The following C12orf42 variants were observed in gnomAD, a reference collection of about 807,000 sequenced individuals.
C12orf42 encodes the protein uncharacterized protein C12orf42.
A neutral mutation model predicts 21.6 loss-of-function variants in C12orf42; 25 were observed. The ratio of observed to expected loss-of-function variants is 1.16; its 90% CI spans 0.84 to 1.62. C12orf42 has a LOEUF of 1.62. Ranked by LOEUF, C12orf42 falls within the 40% of genes most tolerant of loss-of-function variation. C12orf42 has a pLI of 0.00. For missense variants in C12orf42, 483 were observed against 459.3 expected (o/e 1.05, Z -0.47); for synonymous variants, 174 against 175.0 (o/e 0.99, Z 0.05).
intron 4 of C12orf42, among the ~76,000 whole-genome samples, chr12:103,325,117 A>G (rs996674287): frequency 6.6e-6 from 1 of 152,220 alleles, no homozygotes; most frequent in African/African-American, 2.4e-5. Context: ...AAGTAGAGAG[A>G]GAAGACAAAT....
At chr12:103,347,663 G>A (rs1440227166) in intron 4 of C12orf42, among the ~76,000 whole-genome samples, 1 of 152,052 alleles carries the variant, frequency 6.6e-6, no homozygotes, top group Non-Finnish European at 1.5e-5. Flanking sequence ...ATCTAAGCCT[G>A]AGAAATACAC....
intron 2 of C12orf42, among the ~76,000 whole-genome samples, chr12:103,414,259 G>A (rs530068711): frequency 7.6e-4 from 115 of 152,128 alleles, no homozygotes; most frequent in African/African-American, 2.7e-3. Context: ...CTTTTCATAT[G>A]TTTGTTGGCC....
the C12orf42 span, among the ~76,000 whole-genome samples, chr12:103,134,619 G>A: frequency 2.6e-5 from 4 of 151,988 alleles, no homozygotes; most frequent in Non-Finnish European, 5.9e-5. Context: ...AGACATATGA[G>A]ACACCATAAA....
At chr12:103,267,798 A>G (rs2035244962), downstream of C12orf42, 1 of 152,116 alleles carries the variant, frequency 6.6e-6, no homozygotes. Context: ...ATCTAACAGG[A>G]AGAGAGGAAG....
At chr12:103,474,536 C>A (rs1398301117) in intron 2 of C12orf42, among the ~76,000 whole-genome samples, 1 of 151,906 alleles carries the variant, frequency 6.6e-6, no homozygotes, top group Non-Finnish European at 1.5e-5. Context: ...ATGTGGAACA[C>A]TTTGGAGTCT....
chr12:103,555,112 C>T, the C12orf42 span, among the ~76,000 whole-genome samples: 6,385 of 152,228 alleles, frequency 0.042, 212 homozygotes, highest in East Asian at 0.12. Flanking sequence ...TGTTAAAGCA[C>T]GGGTTCCTGG....
chr12:103,062,654 G>A, the C12orf42 span, among the ~76,000 whole-genome samples: 1 of 152,058 alleles, frequency 6.6e-6, no homozygotes, highest in Non-Finnish European at 1.5e-5. Context: ...TTGTTCATTT[G>A]CTGCTTTTAA....
At chr12:103,311,850 A>T (rs1370305478) in intron 4 of C12orf42, among the ~76,000 whole-genome samples, 1 of 152,186 alleles carries the variant, frequency 6.6e-6, no homozygotes, top group Non-Finnish European at 1.5e-5. Flanking sequence ...GTTCACGGTA[A>T]ATCCTTCAGT....
the C12orf42 span, among the ~76,000 whole-genome samples, chr12:103,552,287 T>C: frequency 6.6e-6 from 1 of 152,206 alleles, no homozygotes; most frequent in African/African-American, 2.4e-5. Context: ...CTCACTTTGA[T>C]ATAAGTGGCT....
chr12:103,414,497 T>C (rs2049132194), intron 2 of C12orf42, among the ~76,000 whole-genome samples: 1 of 152,202 alleles, frequency 6.6e-6, no homozygotes, highest in Admixed American at 6.5e-5. Context: ...TGGCCATGTT[T>C]ATTATATTGA....
the C12orf42 span, among the ~76,000 whole-genome samples, chr12:103,118,527 G>T: frequency 6.6e-6 from 1 of 152,000 alleles, no homozygotes; most frequent in Non-Finnish European, 1.5e-5. Context: ...GGCTGGGCGC[G>T]GTGGCTCATG....
intron 3 of C12orf42, among the ~76,000 whole-genome samples, chr12:103,379,522 T>A (rs1412541052): frequency 1.3e-5 from 2 of 152,328 alleles, no homozygotes; most frequent in Non-Finnish European, 2.9e-5. Context: ...GATAGATATA[T>A]TACTAGACCT....
the C12orf42 span, among the ~76,000 whole-genome samples, chr12:103,191,317 G>C: frequency 6.6e-6 from 1 of 151,928 alleles, no homozygotes; most frequent in Non-Finnish European, 1.5e-5. Flanking sequence ...AGCTTGTGAA[G>C]GTATAAATCT....
chr12:103,180,804 T>G, the C12orf42 span, among the ~76,000 whole-genome samples: 14,942 of 150,918 alleles, frequency 0.099, 859 homozygotes, highest in East Asian at 0.19. Context: ...AATTTTGTAT[T>G]TTTAGTAGAG....
chr12:103,484,866 T>TTG (rs1954719914), intron 1 of C12orf42, among the ~76,000 whole-genome samples: 1 of 136,734 alleles, frequency 7.3e-6, no homozygotes, highest in South Asian at 2.5e-4. Context: ...GGTTTCAGTT[T>TTG]TTTTTTTTTT....
At chr12:103,247,320 G>C (rs2034057266) in intron 10 of C12orf42, among the ~76,000 whole-genome samples, 1 of 149,780 alleles carries the variant, frequency 6.7e-6, no homozygotes, top group Admixed American at 6.7e-5. Flanking sequence ...GAAAAAAATA[G>C]AGCCAGAACA....
chr12:103,094,115 T>A, the C12orf42 span, among the ~76,000 whole-genome samples: 1 of 152,198 alleles, frequency 6.6e-6, no homozygotes. Flanking sequence ...AATGACTTTG[T>A]TTCTACTTTC....
the C12orf42 span, among the ~76,000 whole-genome samples, chr12:103,543,447 A>G: frequency 5.7e-4 from 87 of 152,176 alleles, 2 homozygotes; most frequent in South Asian, 0.018. Context: ...CCATCTCTAC[A>G]AAATTTTTTA....
chr12:103,150,808 GTTC>G, the C12orf42 span, among the ~76,000 whole-genome samples: 2 of 152,184 alleles, frequency 1.3e-5, no homozygotes, highest in African/African-American at 4.8e-5. Flanking sequence ...CTATATCTGA[GTTC>G]TTCTCTTTTG....
Sources: allele counts gnomAD v4.1 joint callset (sites outside exome capture counted in the v4.1 genomes callset), GRCh38; gene constraint gnomAD v4.1.1; transcripts MANE v1.5; gene names NCBI Gene and HGNC (gene_info 2026-07-23, HGNC 2026-07-21).